STK4: variants seen among roughly 807,000 people sequenced by gnomAD.
The protein encoded by STK4 is serine/threonine-protein kinase 4.
STK4 carries 30 observed loss-of-function variants against 64.9 expected under a neutral mutation model. The ratio of observed to expected loss-of-function variants is 0.46; its 90% CI spans 0.35 to 0.63. The LOEUF (loss-of-function observed/expected upper bound fraction) is 0.63, where lower values mean the gene tolerates loss of function less well. Among genes scored for constraint, STK4 ranks in the 20% least tolerant of loss-of-function variants. STK4 has a pLI of 0.01. For synonymous variants in STK4, 177 were observed against 199.0 expected (o/e 0.89, Z 0.93); for missense variants, 466 against 598.5 (o/e 0.78, Z 2.31).
chr20:45,051,056 C>T (rs1049127213), intron 10 of STK4, among the ~76,000 whole-genome samples: 5 of 152,078 alleles, frequency 3.3e-5, no homozygotes, highest in Admixed American at 2.6e-4. Flanking sequence ...CAGATAGAAA[C>T]TTTCCACTTC....
At chr20:45,037,327 G>A (rs1314657346) in intron 10 of STK4, among the ~76,000 whole-genome samples, 10 of 152,076 alleles carry the variant, frequency 6.6e-5, no homozygotes, top group Non-Finnish European at 1.5e-4. Context: ...GGAAGGGAGC[G>A]AAGGAGAGAA....
intron 7 of STK4, among the ~76,000 whole-genome samples, chr20:44,998,687 G>C (rs1310738415): frequency 6.6e-6 from 1 of 152,182 alleles, no homozygotes; most frequent in Non-Finnish European, 1.5e-5. Context: ...TCAACGTGCA[G>C]TTACTTCAGC....
chr20:45,020,558 A>G (rs1051880058), intron 9 of STK4, among the ~76,000 whole-genome samples: 4 of 152,022 alleles, frequency 2.6e-5, no homozygotes, highest in African/African-American at 9.7e-5. Context: ...AAACCACCCT[A>G]AAATTTAGTG....
chr20:45,050,377 A>T (rs1301873446), intron 10 of STK4, among the ~76,000 whole-genome samples: 6 of 152,152 alleles, frequency 3.9e-5, no homozygotes. Flanking sequence ...GTGATCTCTG[A>T]TTTAACCAGT....
intron 10 of STK4, among the ~76,000 whole-genome samples, chr20:45,072,495 GT>G: frequency 6.6e-6 from 1 of 152,148 alleles, no homozygotes; most frequent in Non-Finnish European, 1.5e-5. Flanking sequence ...AATTTACTGT[GT>G]TTATTGCTAT....
chr20:45,056,253 A>G (rs1424535416), intron 10 of STK4, among the ~76,000 whole-genome samples: 1 of 152,210 alleles, frequency 6.6e-6, no homozygotes, highest in African/African-American at 2.4e-5. Context: ...AAGCTATAGA[A>G]CATTTCTAAT....
intron 10 of STK4, among the ~76,000 whole-genome samples, chr20:45,031,472 A>C (rs2145399455): frequency 6.6e-6 from 1 of 152,378 alleles, no homozygotes; most frequent in East Asian, 1.9e-4. Context: ...GATAAAAATA[A>C]CAGTCAAATT....
intron 7 of STK4, among the ~76,000 whole-genome samples, chr20:44,998,657 A>G (rs2067778647): frequency 6.6e-6 from 1 of 152,252 alleles, no homozygotes; most frequent in African/African-American, 2.4e-5. Context: ...AAGATAATTT[A>G]TAATGAAATA....
chr20:45,002,768 T>A (rs1016279533), intron 9 of STK4, among the ~76,000 whole-genome samples: 3 of 152,172 alleles, frequency 2.0e-5, no homozygotes, highest in Non-Finnish European at 4.4e-5. Flanking sequence ...GTAAACACTT[T>A]GTAAAAGTAT....
intron 4 of STK4, among the ~76,000 whole-genome samples, chr20:44,984,099 T>G (rs866602532): frequency 2.3e-5 from 2 of 85,630 alleles, no homozygotes; most frequent in African/African-American, 6.7e-5. Flanking sequence ...GCACTTTTGG[T>G]TTTTTTTTGC....
intron 10 of STK4, among the ~76,000 whole-genome samples, chr20:45,041,776 G>A: frequency 6.6e-6 from 1 of 151,644 alleles, no homozygotes; most frequent in East Asian, 1.9e-4. Context: ...CAGCCCCTAA[G>A]ACTCTAGTCA....
intron 5 of STK4, among the ~76,000 whole-genome samples, chr20:44,990,743 G>A (rs528979734): frequency 7.5e-4 from 114 of 152,288 alleles, no homozygotes; most frequent in African/African-American, 2.7e-3. Context: ...CCAGTCTAAT[G>A]CCAGGGTGGG....
intron 10 of STK4, among the ~76,000 whole-genome samples, chr20:45,039,743 C>T (rs959195640): frequency 6.6e-6 from 1 of 152,050 alleles, no homozygotes; most frequent in Admixed American, 6.6e-5. Context: ...ACTACTTCAT[C>T]AAGGACATTC....
rs770860898 is a variant in STK4 at position 44,978,483 on chromosome 20, G to A, written c.157G>A (p.Gly53Ser). 11 of 1,614,032 alleles carry A rather than the reference G, an allele frequency of 6.8e-6. No homozygotes were observed. The highest frequency in any genetic ancestry group is 4.0e-5 in the African/African-American group (3 of 75,028). The change falls in exon 3 of 11, where the codon GGC becomes AGC. Residue 53 changes from glycine to serine, a missense_variant. Around this residue, in one of 2 missense-constraint regions of STK4, gnomAD observed 190 missense variants for 289.7 expected, o/e 0.66. Transcript: ENST00000372806. ...SVYKAIHKET[G>S]QIVAIKQVPV... ...ATACAAAGCTATTCATAAAGAGACC[G>A]GCCAGATTGTTGCTATTAAGCAAGT...
rs1348832190 is a variant in STK4 at position 45,025,252 on chromosome 20, A to G, written c.1305+122A>G. On this transcript the variant is annotated intron_variant, in intron 10 of 10. Coordinates refer to ENST00000372806, the MANE Select transcript of STK4 (RefSeq NM_006282.5). ...TCCTAAACCATCCCTGACAGTGTCT[A>G]CTGAGCTGAAGGACAGTATTTTGAC... The G allele has an allele frequency of 4.3e-6, 5 of 1,153,598 alleles. No homozygotes were observed. In the South Asian group the frequency reaches 6.0e-5, roughly 14 times the overall value. 71.5% of individuals were successfully genotyped at this position (1,153,598 alleles called of 1,614,324 possible).
chr20:45,000,494 G>A lies in STK4; in HGVS notation c.934G>A (p.Val312Met), dbSNP rs17420378. 453,977 of 1,613,508 alleles carry A rather than the reference G, an allele frequency of 0.28. 68,167 individuals carry two copies. Among genetic ancestry groups the A allele is most frequent in the Middle Eastern group, 0.35 (2,135 of 6,060 alleles). ...LKRQESQQREVDQDDEENSEE... is the reference protein window; with the variant it reads ...LKRQESQQREMDQDDEENSEE... ...ACGCCAGGAATCCCAGCAGCGGGAA[G>A]TGGACCAGGACGATGAAGAAAACTC... The change falls in exon 8 of 11, where the codon GTG (valine) becomes ATG (methionine). Residue 312 changes from valine to methionine, a missense_variant. Physicochemically the swap from Val to Met is conservative, Grantham distance 21. Transcript: ENST00000372806.
intron 2 of STK4, 24 bp from the exon 3 acceptor site, chr20:44,978,419 G>A: frequency 6.3e-7 from 1 of 1,598,384 alleles, no homozygotes; most frequent in Non-Finnish European, 8.5e-7. Context: ...CTTTATAAAT[G>A]TTCTTCTTCT....
chr20:45,044,180 G>A (rs148928221), intron 10 of STK4, among the ~76,000 whole-genome samples: 87 of 152,160 alleles, frequency 5.7e-4, no homozygotes, highest in African/African-American at 2.0e-3. Context: ...TGAGGTTAAC[G>A]GAAATTTTCA....
chr20:45,013,129 C>T (rs2068084346), intron 9 of STK4, among the ~76,000 whole-genome samples: 1 of 151,710 alleles, frequency 6.6e-6, no homozygotes, highest in Admixed American at 6.6e-5. Flanking sequence ...ACCTCCAATA[C>T]AGTGTTGCAT....
Sources: gnomAD v4.1 joint callset for allele counts (sites outside exome capture counted in the v4.1 genomes callset) on GRCh38, gnomAD v4.1.1 for gene constraint, gnomAD v4.1.1 regional missense constraint, MANE v1.5 for transcripts, NCBI Gene and HGNC (gene_info 2026-07-23, HGNC 2026-07-21) for gene names.